The following CLIC6 variants were observed in gnomAD, a reference collection of about 807,000 sequenced individuals.
The protein encoded by CLIC6 is CLIC family member 6, also known as chloride intracellular channel protein 6.
In CLIC6, 39 loss-of-function variants were observed where a neutral mutation model predicts 49.2. The ratio of observed to expected loss-of-function variants is 0.79; its 90% CI spans 0.61 to 1.04. The LOEUF (loss-of-function observed/expected upper bound fraction) is 1.04. Among genes scored for constraint, CLIC6 ranks in the 50% least tolerant of loss-of-function variants. The pLI is 0.00. For synonymous variants in CLIC6, 446 were observed against 433.4 expected (o/e 1.03, Z -0.36); for missense variants, 988 against 993.1 (o/e 0.99, Z 0.07).
intron 1 of CLIC6, among the ~76,000 whole-genome samples, chr21:34,671,228 C>T (rs541617630): frequency 6.6e-6 from 1 of 151,124 alleles, no homozygotes; most frequent in Non-Finnish European, 1.5e-5. Context: ...AGCCAAAAAA[C>T]GCAGACAGGT....
At chr21:34,680,132 C>T (rs1756630736) in intron 1 of CLIC6, among the ~76,000 whole-genome samples, 1 of 152,244 alleles carries the variant, frequency 6.6e-6, no homozygotes, top group South Asian at 2.1e-4. Flanking sequence ...GACATCTTGG[C>T]ATTTCCATAT....
At chr21:34,707,505 C>T in intron 2 of CLIC6, 116 bp downstream of exon 2, 1 of 731,688 alleles carries the variant, frequency 1.4e-6, no homozygotes, top group South Asian at 1.7e-5. Context: ...CACGTCCATC[C>T]TCAGTCGGAG....
chr21:34,706,635 A>G (rs2056016496), intron 1 of CLIC6, among the ~76,000 whole-genome samples: 1 of 152,092 alleles, frequency 6.6e-6, no homozygotes, highest in Non-Finnish European at 1.5e-5. Context: ...GACTTCCACC[A>G]TCATAGACAA....
At chr21:34,671,136 AAAAAAAGAAG>A (rs766535037) in intron 1 of CLIC6, among the ~76,000 whole-genome samples, 14 of 121,496 alleles carry the variant, frequency 1.2e-4, no homozygotes, top group Non-Finnish European at 2.0e-4. Context: ...AAAAAAAAAA[AAAAAAAGAAG>A]AAGAAGAAGA....
chr21:34,712,580 C>G (rs1181876428), intron 5 of CLIC6, among the ~76,000 whole-genome samples: 1 of 152,110 alleles, frequency 6.6e-6, no homozygotes, highest in African/African-American at 2.4e-5. Context: ...CCTTGTTGAG[C>G]TGAGATCTCT....
At chr21:34,684,359 G>A (rs73194883) in intron 1 of CLIC6, among the ~76,000 whole-genome samples, 32 of 152,310 alleles carry the variant, frequency 2.1e-4, no homozygotes, top group Non-Finnish European at 4.1e-4. Flanking sequence ...GCTGGGCAGT[G>A]ACAACAGTCT....
intron 5 of CLIC6, among the ~76,000 whole-genome samples, chr21:34,709,909 A>G (rs8129452): frequency 0.17 from 25,226 of 152,158 alleles, 2,297 homozygotes; most frequent in African/African-American, 0.23. Context: ...AACGCAGTCT[A>G]CTGTTGGTGA....
At chr21:34,696,381 T>C (rs1990087810) in intron 1 of CLIC6, among the ~76,000 whole-genome samples, 1 of 152,206 alleles carries the variant, frequency 6.6e-6, no homozygotes. Flanking sequence ...ATTCCAAACC[T>C]TACAGAGCAG....
intron 1 of CLIC6, among the ~76,000 whole-genome samples, chr21:34,680,727 C>G (rs1170065916): frequency 1.3e-5 from 2 of 152,208 alleles, no homozygotes; most frequent in Non-Finnish European, 2.9e-5. Flanking sequence ...ACAAGAGTCA[C>G]CTTTATTTCA....
In CLIC6 at chr21:34,670,122, G is replaced by A. The variant is rs1349916397; in HGVS notation, c.734G>A (p.Arg245Gln). 63 of 1,359,832 alleles carry A rather than the reference G, an allele frequency of 4.6e-5. No individual in the cohort carries two copies. Among genetic ancestry groups the A allele is most frequent in the Non-Finnish European group, 5.3e-5 (56 of 1,065,184 alleles). The allele number at this position is 1,359,832 out of a possible 1,614,324, so 84.2% of individuals were successfully genotyped here. A position where few individuals can be genotyped will look rare whatever the true frequency, so the allele number is the denominator to read the frequency against. The change falls in exon 1 of 6, where the codon CGG becomes CAG. Residue 245 changes from arginine (R) to glutamine (Q), a missense_variant. By Grantham distance (43) the Arg-to-Gln change is conservative. Transcript: ENST00000349499. ...GGGGACAGCGTAGACGCGGAGGGCC[G>A]GGTGGGGGACAGCGTAGAGGCGGGG... ...PAGDSVDAEGRVGDSVEAGDP... is the reference protein window; with the variant it reads ...PAGDSVDAEGQVGDSVEAGDP...
At chr21:34,707,163 T>C (rs2056019927) in intron 1 of CLIC6, 117 bp from the exon 2 acceptor site, 14 of 802,962 alleles carry the variant, frequency 1.7e-5, no homozygotes, top group Non-Finnish European at 3.0e-5. Context: ...CAGGAGGATA[T>C]TCGCAGCATC....
intron 1 of CLIC6, among the ~76,000 whole-genome samples, chr21:34,696,090 G>C (rs60291063): frequency 0.17 from 25,237 of 152,160 alleles, 2,164 homozygotes; most frequent in Non-Finnish European, 0.19. Context: ...GTGTTGGTGT[G>C]GGGGAATGCA....
At chr21:34,679,539 G>A (rs1989736788) in intron 1 of CLIC6, among the ~76,000 whole-genome samples, 1 of 152,098 alleles carries the variant, frequency 6.6e-6, no homozygotes, top group Non-Finnish European at 1.5e-5. Context: ...ACTCATTCCA[G>A]CATTAACCTA....
At chr21:34,685,840 C>T (rs1989866473) in intron 1 of CLIC6, among the ~76,000 whole-genome samples, 1 of 152,168 alleles carries the variant, frequency 6.6e-6, no homozygotes, top group African/African-American at 2.4e-5. Context: ...AAGGGAAGTC[C>T]TGCACATATG....
At chr21:34,681,597 G>T (rs1012838029) in intron 1 of CLIC6, among the ~76,000 whole-genome samples, 2 of 151,966 alleles carry the variant, frequency 1.3e-5, no homozygotes, top group African/African-American at 4.8e-5. Context: ...CTCACATGTC[G>T]TTTGGCAGGA....
chr21:34,670,059 G>A lies in CLIC6; in HGVS notation c.671G>A (p.Gly224Asp), dbSNP rs1989511118. The A allele has an allele frequency of 1.4e-6, 2 of 1,384,820 alleles. No individual in the cohort carries two copies. The highest frequency in any genetic ancestry group is 1.9e-6 in the Non-Finnish European group (2 of 1,078,336). The allele number at this position is 1,384,820 out of a possible 1,614,324, so 85.8% of individuals were successfully genotyped here. A position where few individuals can be genotyped will look rare whatever the true frequency, so the allele number is the denominator to read the frequency against. Reference protein sequence around the residue: ...GPAGDSVDAEGRVGDSVDAEG... With the variant: ...GPAGDSVDAEDRVGDSVDAEG... ...GCGGGGGACAGCGTAGACGCGGAGG[G>A]CCGGGTGGGGGACAGCGTAGACGCG... Residue 224 changes from glycine (G) to aspartate (D), a missense_variant, in exon 1 of 6, where the codon GGC becomes GAC. Coordinates refer to ENST00000349499, the MANE Select transcript of CLIC6 (RefSeq NM_053277.3).
chr21:34,675,252 C>CAA (rs71196903), intron 1 of CLIC6, among the ~76,000 whole-genome samples: 2,821 of 100,894 alleles, frequency 0.028, 76 homozygotes, highest in South Asian at 0.055. Context: ...CCCGCCCCTC[C>CAA]AAAAAAAAAA....
intron 1 of CLIC6, among the ~76,000 whole-genome samples, chr21:34,673,793 T>C (rs145500419): frequency 1.5e-4 from 23 of 152,366 alleles, no homozygotes; most frequent in African/African-American, 5.5e-4. Context: ...GAGTTTGAAA[T>C]ACTTGATGTA....
At chr21:34,707,197 A>G (rs1160653116) in intron 1 of CLIC6, 83 bp from the exon 2 acceptor site, 3 of 1,039,062 alleles carry the variant, frequency 2.9e-6, no homozygotes, top group Admixed American at 1.7e-5. Flanking sequence ...TCAACCTGCA[A>G]TGATTTTGCA....
Sources: gnomAD v4.1 joint callset for allele counts (sites outside exome capture counted in the v4.1 genomes callset) on GRCh38, gnomAD v4.1.1 for gene constraint, MANE v1.5 for transcripts, NCBI Gene and HGNC (gene_info 2026-07-23, HGNC 2026-07-21) for gene names.